Variants in CDH19 observed in about 807,000 individuals in gnomAD.
CDH19 encodes the protein cadherin-19.
Under a neutral mutation model 64.2 loss-of-function variants are expected in CDH19, and 67 were observed. The ratio of observed to expected loss-of-function variants is 1.04; its 90% CI spans 0.86 to 1.28. The LOEUF is 1.28. Ranked by LOEUF, CDH19 falls within the 50% of genes most tolerant of loss-of-function variation. The probability of loss-of-function intolerance (pLI) is 0.00; values close to 1 mark genes in which losing one functional copy is unlikely to be tolerated. For missense variants in CDH19, 1,030 were observed against 929.0 expected, an observed-to-expected ratio of 1.11 and a Z score of -1.41; for synonymous variants, 346 against 319.3, an observed-to-expected ratio of 1.08 and a Z score of -0.89.
At chr18:66,518,860 T>A (rs1218243920) in intron 9 of CDH19, among the ~76,000 whole-genome samples, 1 of 143,008 alleles carries the variant, frequency 7.0e-6, no homozygotes, top group African/African-American at 2.5e-5. Context: ...TTCATTCCAG[T>A]CTAATGACTT....
At chr18:66,531,655 C>G (rs546816601) in intron 8 of CDH19, among the ~76,000 whole-genome samples, 2 of 152,102 alleles carry the variant, frequency 1.3e-5, no homozygotes, top group East Asian at 3.9e-4. Flanking sequence ...ATTGTGAGCT[C>G]TAAAACTGGA....
At chr18:66,538,985 C>T (rs924398879) in intron 7 of CDH19, among the ~76,000 whole-genome samples, 4 of 152,094 alleles carry the variant, frequency 2.6e-5, no homozygotes, top group African/African-American at 4.8e-5. Flanking sequence ...AGGCCACATT[C>T]GGGTGTACTG....
At chr18:66,568,369 C>T (rs1250351996) in intron 3 of CDH19, 47 bp downstream of exon 3, 2 of 1,429,424 alleles carry the variant, frequency 1.4e-6, no homozygotes, top group Non-Finnish European at 1.9e-6. Flanking sequence ...AAATTTTAAA[C>T]CTGCTTCATT....
intron 1 of CDH19, among the ~76,000 whole-genome samples, chr18:66,585,279 C>T (rs1279260448): frequency 6.6e-6 from 1 of 151,912 alleles, no homozygotes; most frequent in Non-Finnish European, 1.5e-5. Context: ...TTATTTTGCA[C>T]CATAGTAAAG....
chr18:66,523,619 G>C (rs568420518), intron 9 of CDH19, among the ~76,000 whole-genome samples: 1 of 151,754 alleles, frequency 6.6e-6, no homozygotes, highest in Non-Finnish European at 1.5e-5. Context: ...GGTGGGGGTG[G>C]GGGGGGAGTG....
Position 66,535,021 on chromosome 18 carries a change from G to T in CDH19, c.1301C>A (p.Ala434Asp). The T allele has an allele frequency of 6.6e-7, 1 of 1,512,676 alleles. No homozygotes were observed. The highest frequency in any genetic ancestry group is 1.3e-5 in the South Asian group (1 of 75,984). 93.7% of individuals were successfully genotyped at this position (1,512,676 alleles called of 1,614,324 possible). The change falls in exon 8 of 12, where the codon GCT becomes GAT. Residue 434 changes from alanine to aspartate, a missense_variant. Coordinates refer to ENST00000262150, the MANE Select transcript of CDH19 (RefSeq NM_021153.4). ...GGCTGTAATACTTAGGTTGTACCAA[G>T]CACTGATTTCACGATCCAGTGAGTT... The part of the protein sequence containing the change: ...TSNSLDREIS[A>D]WYNLSITATE...
Position 66,535,763 on chromosome 18 carries a change from AT to A in CDH19, c.1215-657del, listed in dbSNP as rs1416604236. ...CTTTATTCTATATTACATATAGAAA[AT>A]ATGTAATACATAATACATATATGTT... On this transcript the variant is annotated intron_variant, in intron 7 of 11. Coordinates refer to ENST00000262150, the MANE Select transcript of CDH19 (RefSeq NM_021153.4). 2.7e-5 allele frequency among the ~76,000 whole-genome samples: 4 copies of A among 147,054 alleles called. No individual in the cohort carries two copies. The Admixed American group carries it at 2.7e-4, about 10-fold the overall frequency.
At chr18:66,571,909 T>A (rs1338249536) in intron 2 of CDH19, 101 bp downstream of exon 2, 2 of 794,288 alleles carry the variant, frequency 2.5e-6, no homozygotes, top group African/African-American at 3.5e-5. Flanking sequence ...TTTCAATGGC[T>A]TCACTGTAAA....
At chr18:66,577,069 A>G (rs1018600074) in intron 1 of CDH19, among the ~76,000 whole-genome samples, 6 of 151,754 alleles carry the variant, frequency 4.0e-5, no homozygotes, top group Non-Finnish European at 5.9e-5. Flanking sequence ...AGAAAAATCA[A>G]TATGATTGGA....
intron 7 of CDH19, among the ~76,000 whole-genome samples, chr18:66,540,312 CA>C (rs1211998142): frequency 1.1e-4 from 16 of 151,974 alleles, no homozygotes; most frequent in Non-Finnish European, 2.2e-4. Context: ...CAAAATATTT[CA>C]AAGTTTGACT....
chr18:66,536,090 C>A (rs1598991033), intron 7 of CDH19, among the ~76,000 whole-genome samples: 1 of 149,412 alleles, frequency 6.7e-6, no homozygotes, highest in Admixed American at 6.7e-5. Flanking sequence ...TCGAAATACT[C>A]AGCATGTCTC....
chr18:66,507,587 G>A (rs914169283), intron 11 of CDH19, among the ~76,000 whole-genome samples: 19 of 151,846 alleles, frequency 1.3e-4, no homozygotes, highest in African/African-American at 4.1e-4. Context: ...TGCCTCATTT[G>A]TGAAATGAAT....
chr18:66,512,760 C>T (rs1047742150), intron 9 of CDH19, among the ~76,000 whole-genome samples: 5 of 151,268 alleles, frequency 3.3e-5, no homozygotes, highest in African/African-American at 4.8e-5. Flanking sequence ...AAGGTAAAGC[C>T]TTCATTTTAG....
intron 1 of CDH19, among the ~76,000 whole-genome samples, chr18:66,574,822 T>A (rs539760909): frequency 6.6e-6 from 1 of 151,926 alleles, no homozygotes; most frequent in Non-Finnish European, 1.5e-5. Flanking sequence ...AAAGATAAAG[T>A]TGTTAGCAGA....
At chr18:66,587,275 G>C (rs1354704502) in intron 1 of CDH19, among the ~76,000 whole-genome samples, 1 of 152,132 alleles carries the variant, frequency 6.6e-6, no homozygotes, top group Admixed American at 6.6e-5. Flanking sequence ...AAACGCAGAG[G>C]TTAAGATACC....
In CDH19 at chr18:66,568,665, G is replaced by C; in HGVS notation, c.241C>G (p.Leu81Val). Residue 81 changes from leucine to valine, a missense_variant, in exon 3 of 12, where the codon CTT (leucine) becomes GTT (valine). Physicochemically the swap from Leu to Val is conservative, Grantham distance 32 (BLOSUM62 1). Coordinates refer to ENST00000262150, the MANE Select transcript of CDH19 (RefSeq NM_021153.4). ...GTACTTCCAGCTCCAGCTCCCAAAAGCTTGTACTGGAAAGAATTGTTTCCA... is the reference window on the plus strand; with the variant it reads ...GTACTTCCAGCTCCAGCTCCCAAAACCTTGTACTGGAAAGAATTGTTTCCA... Reference protein sequence around the residue: ...DNGNNSFQYKLLGAGAGSTFI... With the variant: ...DNGNNSFQYKVLGAGAGSTFI... The C allele has an allele frequency of 6.2e-7, 1 of 1,610,602 alleles. No individual in the cohort carries two copies. Among genetic ancestry groups the C allele is most frequent in the Non-Finnish European group, 8.5e-7 (1 of 1,178,482 alleles).
chr18:66,566,280 CTTT>C (rs34978720), intron 3 of CDH19, among the ~76,000 whole-genome samples: 1 of 120,780 alleles, frequency 8.3e-6, no homozygotes. Context: ...ATGACCCTTT[CTTT>C]TTTTTTTTTT....
intron 3 of CDH19, among the ~76,000 whole-genome samples, chr18:66,563,372 T>C (rs1018713314): frequency 2.0e-5 from 3 of 152,082 alleles, no homozygotes; most frequent in South Asian, 2.1e-4. Flanking sequence ...AATGTAGATA[T>C]AAATTTAATG....
chr18:66,549,663 G>T (rs1447212043), intron 5 of CDH19, among the ~76,000 whole-genome samples: 1 of 152,048 alleles, frequency 6.6e-6, no homozygotes, highest in Non-Finnish European at 1.5e-5. Context: ...AAAATTGTGA[G>T]ATAGAGCAGA....
Sources: gnomAD v4.1 joint callset for allele counts (sites outside exome capture counted in the v4.1 genomes callset) on GRCh38, gnomAD v4.1.1 for gene constraint, MANE v1.5 for transcripts, NCBI Gene and HGNC (gene_info 2026-07-23, HGNC 2026-07-21) for gene names.